Variants in KIAA0586 observed in about 807,000 individuals in gnomAD.
KIAA0586 encodes the protein KIAA0586, also known as protein TALPID3.
In KIAA0586, 144 loss-of-function variants were observed where a neutral mutation model predicts 169.8. The observed-to-expected ratio is 0.85, with a 90% CI of 0.74 to 0.97. The LOEUF is 0.97. Among genes scored for constraint, KIAA0586 ranks in the 50% least tolerant of loss-of-function variants. The pLI is 0.00. For synonymous variants in KIAA0586, 625 were observed against 612.4 expected, an observed-to-expected ratio of 1.02 and a Z score of -0.30; for missense variants, 1,854 against 1,823.0, an observed-to-expected ratio of 1.02 and a Z score of -0.31.
At position 58,465,880 on chromosome 14, in the gene KIAA0586, CA is replaced by C. The variant is rs777094566; in HGVS notation, c.2109del (p.Lys703AsnfsTer9). ...AGAACACAGACTGACTTCTATGCAACAAAACCTAAGAAGATGGATTCTAAAA... is the reference window on the plus strand; with the variant it reads ...AGAACACAGACTGACTTCTATGCAACAAACCTAAGAAGATGGATTCTAAAA... The part of the protein sequence containing the change: ...SIRTQTDFYA[T>X]KPKKMDSKMK... On this transcript the variant is annotated frameshift_variant, in exon 15 of 31. Coordinates refer to ENST00000652326, the MANE Select transcript of KIAA0586 (RefSeq NM_001329943.3). LOFTEE classifies it high-confidence loss of function. The C allele has an allele frequency of 1.2e-6, 2 of 1,612,248 alleles. No homozygotes were observed. Among genetic ancestry groups the C allele is most frequent in the Non-Finnish European group, 1.7e-6 (2 of 1,178,948 alleles).
chr14:58,540,180 G>A (rs766415819), intron 30 of KIAA0586, 44 bp downstream of exon 30: 1 of 1,092,472 alleles, frequency 9.2e-7, no homozygotes. Flanking sequence ...GAGCTGTTCA[G>A]ATTTTTTCAT....
intron 29 of KIAA0586, among the ~76,000 whole-genome samples, chr14:58,519,710 A>T (rs929041517): frequency 3.9e-5 from 6 of 152,158 alleles, no homozygotes; most frequent in Admixed American, 6.6e-5. Flanking sequence ...TGTTTTTAAG[A>T]TATGTTATCT....
intron 20 of KIAA0586, 58 bp downstream of exon 20, chr14:58,477,299 G>C: frequency 2.2e-6 from 2 of 903,974 alleles, no homozygotes; most frequent in Non-Finnish European, 3.5e-6. Context: ...TTAGTTCATC[G>C]TGGATTTATA....
At chr14:58,555,296 T>C (rs1316338522), downstream of KIAA0586, among the ~76,000 whole-genome samples, 1 of 151,930 alleles carries the variant, frequency 6.6e-6, no homozygotes, top group Non-Finnish European at 1.5e-5. Context: ...AGACAGCGTT[T>C]CACCATGTTG....
chr14:58,547,341 C>T (rs2047046453), intron 30 of KIAA0586, among the ~76,000 whole-genome samples: 1 of 152,126 alleles, frequency 6.6e-6, no homozygotes, highest in Admixed American at 6.6e-5. Flanking sequence ...TTGAGCTCTT[C>T]ACTGACACTA....
intron 29 of KIAA0586, among the ~76,000 whole-genome samples, chr14:58,529,180 C>G (rs576782599): frequency 6.6e-6 from 1 of 152,266 alleles, no homozygotes; most frequent in South Asian, 2.1e-4. Context: ...CTGAATAGAT[C>G]AATAACAAGT....
At chr14:58,432,722 A>G (rs990949972) in intron 4 of KIAA0586, among the ~76,000 whole-genome samples, 11 of 151,984 alleles carry the variant, frequency 7.2e-5, no homozygotes, top group Non-Finnish European at 1.3e-4. Context: ...ATTTTCTTTT[A>G]TTTATTTATT....
chr14:58,450,668 G>C lies in KIAA0586; in HGVS notation c.1051G>C (p.Val351Leu). 1 of 1,609,762 alleles carries C rather than the reference G, an allele frequency of 6.2e-7. No homozygotes were observed. The highest frequency in any genetic ancestry group is 8.5e-7 in the Non-Finnish European group (1 of 1,176,184). ...ACCTCGCAGATTTGCTCCTGTACCT[G>C]TTTCAAGGGATGATGAACTATCAAA... is the stretch of plus-strand genomic sequence containing the variant. The part of the protein sequence containing the change: ...PAPRRFAPVP[V>L]SRDDELSKRE... The change falls in exon 8 of 31, where the codon GTT becomes CTT. Residue 351 changes from valine to leucine, a missense_variant. By Grantham distance (32) the Val-to-Leu change is conservative (BLOSUM62 1). Coordinates refer to ENST00000652326, the MANE Select transcript of KIAA0586 (RefSeq NM_001329943.3).
chr14:58,440,112 G>A (rs1261478049), intron 4 of KIAA0586: 5 of 392,914 alleles, frequency 1.3e-5, no homozygotes, highest in Non-Finnish European at 2.5e-5. Context: ...TGAACTCCTG[G>A]GCTCAAGCAG....
At chr14:58,474,906 T>G (rs2041489833) in intron 19 of KIAA0586, 109 bp downstream of exon 19, 1 of 834,298 alleles carries the variant, frequency 1.2e-6, no homozygotes, top group Non-Finnish European at 1.8e-6. Context: ...TTATTAAACT[T>G]TCTTTGCTTT....
chr14:58,457,278 T>C (rs1437944858), intron 10 of KIAA0586, among the ~76,000 whole-genome samples: 1 of 152,214 alleles, frequency 6.6e-6, no homozygotes, highest in Non-Finnish European at 1.5e-5. Flanking sequence ...TTTTTTCTTT[T>C]CTTTTTTTGA....
chr14:58,491,632 A>G (rs772157150), intron 25 of KIAA0586, among the ~76,000 whole-genome samples: 3 of 152,222 alleles, frequency 2.0e-5, no homozygotes, highest in Admixed American at 6.5e-5. Flanking sequence ...TTCAATACCA[A>G]TGCCCTCGCC....
rs376512768 is a variant in KIAA0586, at chr14:58,454,380, A to C, written c.1253+907A>C. Reference sequence around the variant, plus strand: ...ATCTTTATACATTATAAGCTCATCTATGTAGTCTGATAATTATTACTTGAT... The same window carrying C: ...ATCTTTATACATTATAAGCTCATCTCTGTAGTCTGATAATTATTACTTGAT... On this transcript the variant is annotated intron_variant, in intron 9 of 30. Transcript: ENST00000652326. Among the ~76,000 whole-genome samples the C allele has an allele frequency of 9.2e-5, 14 of 152,290 alleles. 1 individual carries two copies. Among genetic ancestry groups the C allele is most frequent in the Admixed American group, 8.5e-4 (13 of 15,294 alleles).
At chr14:58,499,289 G>A (rs1050135135) in intron 27 of KIAA0586, among the ~76,000 whole-genome samples, 1 of 152,096 alleles carries the variant, frequency 6.6e-6, no homozygotes, top group South Asian at 2.1e-4. Flanking sequence ...GTCTTGCTCT[G>A]TCACTCAGGC....
At chr14:58,439,231 C>T (rs1375654710) in intron 4 of KIAA0586, among the ~76,000 whole-genome samples, 2 of 151,968 alleles carry the variant, frequency 1.3e-5, no homozygotes, top group African/African-American at 4.8e-5. Flanking sequence ...CTATTGCCCA[C>T]GCTGGAGTGC....
At chr14:58,486,572 A>T (rs2042458023) in intron 21 of KIAA0586, among the ~76,000 whole-genome samples, 1 of 152,230 alleles carries the variant, frequency 6.6e-6, no homozygotes, top group Non-Finnish European at 1.5e-5. Flanking sequence ...ATACCATTTC[A>T]GTCAGAATGG....
chr14:58,490,363 C>A, intron 25 of KIAA0586, 123 bp downstream of exon 25: 1 of 465,406 alleles, frequency 2.1e-6, no homozygotes, highest in South Asian at 5.1e-5. Context: ...GTAAAATAAC[C>A]ATGAAATAAT....
At chr14:58,469,750 T>TGTGGGTGTGG (rs1566846989) in intron 16 of KIAA0586, among the ~76,000 whole-genome samples, 1 of 152,152 alleles carries the variant, frequency 6.6e-6, no homozygotes, top group Non-Finnish European at 1.5e-5. Context: ...AGGACATGAA[T>TGTGGGTGTGG]AAGACTCTAC....
chr14:58,484,751 C>T (rs2042253260), intron 21 of KIAA0586, among the ~76,000 whole-genome samples: 1 of 148,344 alleles, frequency 6.7e-6, no homozygotes, highest in Non-Finnish European at 1.5e-5. Context: ...TTAAGCAATG[C>T]TATAGAAATT....
Sources: gnomAD v4.1 joint callset for allele counts (sites outside exome capture counted in the v4.1 genomes callset) on GRCh38, gnomAD v4.1.1 for gene constraint, MANE v1.5 for transcripts, NCBI Gene and HGNC (gene_info 2026-07-23, HGNC 2026-07-21) for gene names.